The following PCF11 variants were observed in gnomAD, a reference collection of about 807,000 sequenced individuals.
The protein encoded by PCF11 is pre-mRNA cleavage complex 2 protein Pcf11.
In PCF11, 19 loss-of-function variants were observed where a neutral mutation model predicts 166.1. The ratio of observed to expected loss-of-function variants is 0.11; its 90% CI spans 0.08 to 0.17. The LOEUF (loss-of-function observed/expected upper bound fraction) is 0.17, where lower values mean the gene tolerates loss of function less well. PCF11 is among the 10% of genes least tolerant of loss of function. The probability of loss-of-function intolerance (pLI) is 1.00; values close to 1 mark genes in which losing one functional copy is unlikely to be tolerated. For missense variants in PCF11, 1,565 were observed against 1,855.5 expected, an observed-to-expected ratio of 0.84 and a Z score of 2.88; for synonymous variants, 663 against 644.1, an observed-to-expected ratio of 1.03 and a Z score of -0.44.
chr11:83,170,983 T>C (rs572467130), intron 8 of PCF11, among the ~76,000 whole-genome samples: 50 of 152,354 alleles, frequency 3.3e-4, no homozygotes, highest in Non-Finnish European at 6.8e-4. Context: ...AGAATGGTAC[T>C]TACTTAGTCT....
chr11:83,182,023 G>A lies in PCF11; in HGVS notation c.4323+14G>A, dbSNP rs867948106. On this transcript the variant is annotated intron_variant, in intron 13 of 15. Transcript: ENST00000298281. The stretch of plus-strand genomic sequence containing the variant: ...GGAGCAGTTGAGGTGAGAGAAGAAC[G>A]TTTAAGTTTTCTCACAGTGGGAGTG... 4 of 1,586,384 alleles carry A rather than the reference G, an allele frequency of 2.5e-6. No homozygotes were observed. The highest frequency in any genetic ancestry group is 1.7e-4 in the Middle Eastern group (1 of 5,944).
At position 83,168,416 on chromosome 11, in the gene PCF11, C is replaced by T. The variant is rs1414247277; in HGVS notation, c.2093-12C>T. The T allele has an allele frequency of 2.6e-6, 4 of 1,551,910 alleles. No individual in the cohort carries two copies. Among genetic ancestry groups the T allele is most frequent in the South Asian group, 1.2e-5 (1 of 82,304 alleles). On this transcript the variant is annotated splice_polypyrimidine_tract_variant and intron_variant, in intron 7 of 15. Transcript: ENST00000298281. ...TAACTTTAGTGAAAATAATTTTTTT[C>T]CTTTTTAAAAGGTGTGCGAGAAGAG...
chr11:83,177,842 A>G, intron 11 of PCF11, 23 bp downstream of exon 11: 1 of 1,193,022 alleles, frequency 8.4e-7, no homozygotes, highest in Non-Finnish European at 1.2e-6. Context: ...ATTTTCTTTA[A>G]GATAAAGAGG....
intron 10 of PCF11, 81 bp from the exon 11 acceptor site, chr11:83,177,633 C>A: frequency 1.6e-6 from 1 of 611,458 alleles, no homozygotes; most frequent in Non-Finnish European, 2.7e-6. Flanking sequence ...TCTCTATTTG[C>A]TTATAATACT....
intron 9 of PCF11, among the ~76,000 whole-genome samples, chr11:83,176,479 A>G (rs919470745): frequency 1.6e-4 from 25 of 152,218 alleles, no homozygotes; most frequent in Non-Finnish European, 3.1e-4. Context: ...AGTGTGGCAC[A>G]TATACACCAT....
intron 1 of PCF11, chr11:83,158,811 ACT>A (rs1860110556): frequency 6.6e-6 from 1 of 152,188 alleles, no homozygotes; most frequent in Non-Finnish European, 1.5e-5. Flanking sequence ...GAGTGGTCTG[ACT>A]CTAATAAATG....
chr11:83,183,204 T>C (rs1163990382), intron 15 of PCF11, 131 bp downstream of exon 15: 6 of 554,870 alleles, frequency 1.1e-5, no homozygotes, highest in Admixed American at 3.9e-5. Flanking sequence ...TTTTTTGATA[T>C]AGCATTTAGG....
At chr11:83,171,752 T>A in intron 8 of PCF11, 66 bp from the exon 9 acceptor site, 1 of 825,324 alleles carries the variant, frequency 1.2e-6, no homozygotes, top group South Asian at 1.4e-5. Flanking sequence ...TTTATGTAAT[T>A]AGGATGTTAA....
chr11:83,164,338 A>G, exon 4 of PCF11: 1 of 1,613,760 alleles, frequency 6.2e-7, no homozygotes, highest in Non-Finnish European at 8.5e-7. Context: ...CAAAGCAAAA[A>G]CAGTTGTTAG....
intron 11 of PCF11, among the ~76,000 whole-genome samples, chr11:83,179,839 A>G (rs1861024305): frequency 6.6e-6 from 1 of 151,108 alleles, no homozygotes; most frequent in African/African-American, 2.4e-5. Context: ...AATTGCTTGA[A>G]CCCAGGAGGC....
At chr11:83,158,581 A>G (rs1041354462) in intron 1 of PCF11, 3 of 152,242 alleles carry the variant, frequency 2.0e-5, no homozygotes, top group Middle Eastern at 3.2e-3. Context: ...TCATTTAAGT[A>G]AAGTTACTGT....
At chr11:83,164,176 T>G (rs765109098) in intron 3 of PCF11, 31 bp from the exon 4 acceptor site, 1 of 1,543,350 alleles carries the variant, frequency 6.5e-7, no homozygotes, top group Non-Finnish European at 8.8e-7. Context: ...AGCTGATACG[T>G]TTTTCTTAAA....
intron 9 of PCF11, 135 bp downstream of exon 9, chr11:83,172,049 T>G: frequency 1.6e-6 from 1 of 612,272 alleles, no homozygotes; most frequent in South Asian, 2.0e-5. Context: ...CTGGCTGACA[T>G]ATTTTTGTTC....
chr11:83,185,257 G>T, exon 16 of PCF11: 1 of 158,526 alleles, frequency 6.3e-6, no homozygotes, highest in South Asian at 1.9e-4. Flanking sequence ...ACTTTTTATT[G>T]GGTAAAAATG....
rs1231920347 is a variant in PCF11 at position 83,178,674 on chromosome 11, G to A, written c.3983+855G>A. On this transcript the variant is annotated intron_variant, in intron 11 of 15. Transcript: ENST00000298281. ...TAAAAATACAAAAAATTAGCCGGGC[G>A]CAGTGGCGGGTGCCTGTAGTCCCAG... Among the ~76,000 whole-genome samples the A allele has an allele frequency of 2.6e-5, 4 of 151,788 alleles. No homozygotes were observed. In the South Asian group the frequency reaches 6.2e-4, roughly 24 times the overall value.
At chr11:83,169,705 C>T (rs1329562736) in exon 8 of PCF11, 5 of 1,613,780 alleles carry the variant, frequency 3.1e-6, no homozygotes, top group Non-Finnish European at 4.2e-6. Context: ...TTCACAAAGG[C>T]TTGAATCAGT....
intron 10 of PCF11, 45 bp from the exon 11 acceptor site, chr11:83,177,669 T>G: frequency 1.0e-6 from 1 of 957,486 alleles, no homozygotes; most frequent in Non-Finnish European, 1.6e-6. Flanking sequence ...AGAGAATACA[T>G]GGAGAATGGT....
intron 4 of PCF11, among the ~76,000 whole-genome samples, chr11:83,164,656 G>A (rs1860382209): frequency 6.6e-6 from 1 of 152,034 alleles, no homozygotes; most frequent in South Asian, 2.1e-4. Flanking sequence ...TCTGAGGTGG[G>A]AGGATCGCTT....
chr11:83,184,642 A>G, intron 15 of PCF11, 37 bp from the exon 16 acceptor site: 1 of 1,382,652 alleles, frequency 7.2e-7, no homozygotes, highest in African/African-American at 1.4e-5. Flanking sequence ...AGAATTTTGA[A>G]CTTTCATCAG....
Sources: allele counts gnomAD v4.1 joint callset (sites outside exome capture counted in the v4.1 genomes callset), GRCh38; gene constraint gnomAD v4.1.1; transcripts MANE v1.5; gene names NCBI Gene and HGNC (gene_info 2026-07-23, HGNC 2026-07-21).